AGBL1: variants seen among roughly 807,000 people sequenced by gnomAD.
AGBL1 encodes the protein cytosolic carboxypeptidase 4.
Under a neutral mutation model 118.9 loss-of-function variants are expected in AGBL1, and 130 were observed. That is an observed-to-expected ratio of 1.09 (90% CI 0.95 to 1.26). The LOEUF (loss-of-function observed/expected upper bound fraction) is 1.26, where lower values mean the gene tolerates loss of function less well. Ranked by LOEUF, AGBL1 falls within the 50% of genes most tolerant of loss-of-function variation. AGBL1 has a pLI of 0.00. For synonymous variants in AGBL1, 555 were observed against 478.9 expected, an observed-to-expected ratio of 1.16 and a Z score of -2.08; for missense variants, 1,584 against 1,298.1, an observed-to-expected ratio of 1.22 and a Z score of -3.38.
intron 22 of AGBL1, among the ~76,000 whole-genome samples, chr15:86,762,449 G>C (rs1195528360): frequency 6.6e-6 from 1 of 152,034 alleles, no homozygotes; most frequent in Non-Finnish European, 1.5e-5. Flanking sequence ...AAATAGTAAA[G>C]AGTCATGTTA....
In AGBL1 at chr15:86,537,329, A is replaced by C. The variant is rs7180676; in HGVS notation, c.2686-8673A>C. On this transcript the variant is annotated intron_variant, in intron 19 of 22. Coordinates refer to ENST00000614907, the MANE Select transcript of AGBL1 (RefSeq NM_001386094.1). Reference sequence around the variant, plus strand: ...GTACACCAAATAGATTAATGCTTCTACCTCGAGAACTTCAGTACCTGCAAC... The same window carrying C: ...GTACACCAAATAGATTAATGCTTCTCCCTCGAGAACTTCAGTACCTGCAAC... Among the ~76,000 whole-genome samples, 530 of 152,312 alleles carry C rather than the reference A, an allele frequency of 3.5e-3. 3 individuals are homozygous for C. The highest frequency in any genetic ancestry group is 0.012 in the African/African-American group (519 of 41,568).
intron 3 of AGBL1, among the ~76,000 whole-genome samples, chr15:86,147,313 G>A (rs900452116): frequency 5.9e-5 from 9 of 152,192 alleles, no homozygotes; most frequent in Non-Finnish European, 8.8e-5. Flanking sequence ...GCAGGGCGTC[G>A]CCTCACCTGA....
At chr15:86,144,191 A>G (rs193230956) in intron 3 of AGBL1, among the ~76,000 whole-genome samples, 131 of 152,370 alleles carry the variant, frequency 8.6e-4, no homozygotes, top group African/African-American at 3.0e-3. Context: ...GGTTGTGGAG[A>G]AAAAGGAACA....
chr15:86,423,116 C>G (rs147251352), intron 18 of AGBL1, among the ~76,000 whole-genome samples: 1 of 152,326 alleles, frequency 6.6e-6, no homozygotes, highest in African/African-American at 2.4e-5. Context: ...ATACCAAAAC[C>G]TGGCAGAGAC....
At chr15:86,538,232 A>G (rs866441231) in intron 19 of AGBL1, among the ~76,000 whole-genome samples, 1 of 152,216 alleles carries the variant, frequency 6.6e-6, no homozygotes. Flanking sequence ...ACTTTGGCCC[A>G]TGATGACCCA....
chr15:86,382,023 G>A (rs1048899568), intron 17 of AGBL1, among the ~76,000 whole-genome samples: 5 of 152,176 alleles, frequency 3.3e-5, no homozygotes, highest in Admixed American at 6.5e-5. Flanking sequence ...ACTTAGTAAC[G>A]CTCTGGGTGC....
chr15:86,499,193 C>G (rs2082888862), intron 18 of AGBL1, among the ~76,000 whole-genome samples: 1 of 151,792 alleles, frequency 6.6e-6, no homozygotes, highest in African/African-American at 2.4e-5. Flanking sequence ...TAGTTAGACA[C>G]AATTATAACC....
intron 22 of AGBL1, among the ~76,000 whole-genome samples, chr15:86,816,630 A>AG (rs1258102489): frequency 6.6e-5 from 10 of 152,156 alleles, no homozygotes; most frequent in African/African-American, 9.7e-5. Context: ...AATTCAGTTG[A>AG]GGGGAAAAAT....
rs182837998 is a variant in AGBL1, at chr15:86,619,912, G to A, written c.2995-54361G>A. ...GTGGGCAAACTTGATTTCTACAAGA[G>A]TCTACTCCTGGATATTCCTATAACA... is the stretch of plus-strand genomic sequence containing the variant. On this transcript the variant is annotated intron_variant, in intron 21 of 22. Transcript: ENST00000614907. Among the ~76,000 whole-genome samples the A allele has an allele frequency of 3.9e-3, 594 of 152,342 alleles. 8 individuals are homozygous for A. The highest frequency in any genetic ancestry group is 5.7e-3 in the Non-Finnish European group (391 of 68,026).
intron 21 of AGBL1, among the ~76,000 whole-genome samples, chr15:86,570,855 C>T (rs750454278): frequency 5.3e-5 from 8 of 152,270 alleles, no homozygotes; most frequent in Non-Finnish European, 8.8e-5. Context: ...TCCGCTCACT[C>T]GACCTGGCAG....
chr15:86,872,360 T>A lies in AGBL1; in HGVS notation c.3159-34727T>A, dbSNP rs544742520. Among the ~76,000 whole-genome samples, 135 of 152,332 alleles carry A rather than the reference T, an allele frequency of 8.9e-4. 1 individual carries two copies. The highest frequency in any genetic ancestry group is 1.5e-3 in the Non-Finnish European group (99 of 68,034). ...GAAAATAGAAGCCCTGAGTCCTGAA[T>A]CTTAGACCAAGTTTTCCTCCTTCAT... On this transcript the variant is annotated intron_variant, in intron 22 of 22. Coordinates refer to ENST00000614907, the MANE Select transcript of AGBL1 (RefSeq NM_001386094.1).
chr15:86,486,991 T>C (rs1482642188), intron 18 of AGBL1, among the ~76,000 whole-genome samples: 2 of 152,048 alleles, frequency 1.3e-5, no homozygotes, highest in Non-Finnish European at 2.9e-5. Context: ...CCTCTTTTCA[T>C]TTCAGCCCAT....
chr15:86,224,262 C>A (rs2078324299), intron 5 of AGBL1, among the ~76,000 whole-genome samples: 1 of 152,172 alleles, frequency 6.6e-6, no homozygotes. Context: ...AAGCAGGAAA[C>A]AGATTGAAAA....
intron 22 of AGBL1, among the ~76,000 whole-genome samples, chr15:86,892,722 C>T (rs776821699): frequency 1.3e-5 from 2 of 152,046 alleles, no homozygotes; most frequent in African/African-American, 2.4e-5. Flanking sequence ...CTTCTCTATA[C>T]ATAGAAAATG....
intron 17 of AGBL1, among the ~76,000 whole-genome samples, chr15:86,354,235 T>C (rs2080677680): frequency 6.6e-6 from 1 of 152,190 alleles, no homozygotes; most frequent in Non-Finnish European, 1.5e-5. Flanking sequence ...CAGGTAGTCA[T>C]AGGTAAGCAG....
At position 86,151,047 on chromosome 15, in the gene AGBL1, G is replaced by A. The variant is rs201205231; in HGVS notation, c.263-3383G>A. Among the ~76,000 whole-genome samples, 181 of 151,460 alleles carry A rather than the reference G, an allele frequency of 1.2e-3. 3 individuals carry two copies. In the South Asian group the frequency reaches 0.028, roughly 23 times the overall value. On this transcript the variant is annotated intron_variant, in intron 3 of 22. Coordinates refer to ENST00000614907, the MANE Select transcript of AGBL1 (RefSeq NM_001386094.1). ...AAATCATCATTCTCAGTAAACTATC[G>A]CAAGAACAAAAAAACAAACACCGCA...
At position 86,336,725 on chromosome 15, in the gene AGBL1, C is replaced by T. The variant is rs552028942; in HGVS notation, c.2374+41317C>T. Among the ~76,000 whole-genome samples the T allele has an allele frequency of 2.0e-4, 31 of 152,310 alleles. No homozygotes were observed. The South Asian group carries it at 6.4e-3, about 32-fold the overall frequency. ...CATTTTCAGGGCTTTTGCTTATGGA[C>T]ACAAACCTATCCCACTAAATCCCTT... On this transcript the variant is annotated intron_variant, in intron 17 of 22. Coordinates refer to ENST00000614907, the MANE Select transcript of AGBL1 (RefSeq NM_001386094.1).
At chr15:86,741,751 C>T (rs913482534) in intron 22 of AGBL1, among the ~76,000 whole-genome samples, 1 of 151,670 alleles carries the variant, frequency 6.6e-6, no homozygotes, top group African/African-American at 2.4e-5. Flanking sequence ...TCTAATTTAG[C>T]TTTAATATTT....
chr15:86,159,381 C>T (rs994816536), intron 5 of AGBL1, among the ~76,000 whole-genome samples: 1 of 152,084 alleles, frequency 6.6e-6, no homozygotes, highest in East Asian at 1.9e-4. Context: ...CTGAAGCCCT[C>T]AGGTATATAC....
Sources: allele counts gnomAD v4.1 joint callset (sites outside exome capture counted in the v4.1 genomes callset), GRCh38; gene constraint gnomAD v4.1.1; transcripts MANE v1.5; gene names NCBI Gene and HGNC (gene_info 2026-07-23, HGNC 2026-07-21).